The following CARS2 variants were observed in gnomAD, a reference collection of about 807,000 sequenced individuals.
CARS2 encodes probable cysteine--tRNA ligase, mitochondrial.
Under a neutral mutation model 68.8 loss-of-function variants are expected in CARS2, and 52 were observed. The observed-to-expected ratio is 0.76, with a 90% confidence interval of 0.61 to 0.95. CARS2 has a LOEUF of 0.95. CARS2 is among the 40% of genes least tolerant of loss of function. CARS2 has a pLI of 0.00. For synonymous variants in CARS2, 314 were observed against 303.6 expected (o/e 1.03, Z -0.36); for missense variants, 780 against 754.2 (o/e 1.03, Z -0.40).
rs760818887 is a variant in CARS2, at chr13:110,642,349, C to T, written c.1589G>A (p.Arg530His). Residue 530 changes from arginine (R) to histidine (H), a missense_variant, in exon 14 of 15, where the codon CGC becomes CAC. By Grantham distance (29) the Arg-to-His change is conservative. Transcript: ENST00000257347. ...QPLLEACDTL[R>H]RGLTAHGINI... Reference sequence around the variant, plus strand: ...GATGCCGTGGGCAGTCAGGCCCCGGCGCAGGGTGTCGCATGCTTCCAGCAG... The same window carrying T: ...GATGCCGTGGGCAGTCAGGCCCCGGTGCAGGGTGTCGCATGCTTCCAGCAG... 64 of 1,552,002 alleles carry T rather than the reference C, an allele frequency of 4.1e-5. No individual in the cohort carries two copies. In the East Asian group the frequency reaches 4.4e-4, roughly 11 times the overall value.
At chr13:110,690,857 G>A (rs1379939642) in intron 3 of CARS2, among the ~76,000 whole-genome samples, 2 of 152,234 alleles carry the variant, frequency 1.3e-5, no homozygotes, top group Non-Finnish European at 2.9e-5. Flanking sequence ...CAGTGTGACA[G>A]CTGACAAGTG....
intron 3 of CARS2, among the ~76,000 whole-genome samples, chr13:110,696,794 A>T (rs925342615): frequency 6.6e-6 from 1 of 152,186 alleles, no homozygotes; most frequent in African/African-American, 2.4e-5. Context: ...GCATCTGTGA[A>T]ATTAACTCTT....
chr13:110,712,868 G>A, intron 1 of CARS2: 1 of 1,308,076 alleles, frequency 7.6e-7, no homozygotes, highest in East Asian at 2.5e-5. Context: ...TTGTCTCCAA[G>A]CCGTTCCAAA....
Position 110,645,956 on chromosome 13 carries a change from C to T in CARS2, c.1317+11G>A, listed in dbSNP as rs757028283. The T allele has an allele frequency of 2.9e-5, 46 of 1,610,104 alleles. No homozygotes were observed. The highest frequency in any genetic ancestry group is 5.4e-5 in the African/African-American group (4 of 74,666). ...CAGCAGGACCGCAAGGCCACCTGTT[C>T]GTTGAGCTACCTTCAGGGACGCCCT... On this transcript the variant is annotated intron_variant, in intron 12 of 14. Coordinates refer to ENST00000257347, the MANE Select transcript of CARS2 (RefSeq NM_024537.4).
chr13:110,693,727 C>G (rs567561285), intron 3 of CARS2, among the ~76,000 whole-genome samples: 96 of 152,162 alleles, frequency 6.3e-4, no homozygotes, highest in Non-Finnish European at 9.3e-4. Context: ...ATTCCTCATA[C>G]CGGGGTAGTG....
At chr13:110,686,006 A>AAG (rs1555354812) in intron 5 of CARS2, among the ~76,000 whole-genome samples, 12 of 149,444 alleles carry the variant, frequency 8.0e-5, no homozygotes, top group African/African-American at 3.0e-4. Context: ...AAAAAAAAAA[A>AAG]AGAGAAAAAA....
intron 3 of CARS2, among the ~76,000 whole-genome samples, chr13:110,690,197 T>TAGACTGGGCGAC (rs2063417739): frequency 6.6e-6 from 1 of 152,074 alleles, no homozygotes; most frequent in Non-Finnish European, 1.5e-5. Flanking sequence ...TACTGCACTC[T>TAGACTGGGCGAC]AGACTGGGCG....
chr13:110,662,602 C>T (rs374638682), intron 9 of CARS2, among the ~76,000 whole-genome samples: 4 of 152,172 alleles, frequency 2.6e-5, no homozygotes, highest in Admixed American at 1.3e-4. Flanking sequence ...GCTGGGTAGG[C>T]GAAAAAGATC....
intron 10 of CARS2, chr13:110,649,381 G>A (rs1409027595): frequency 6.6e-6 from 1 of 152,170 alleles, no homozygotes. Context: ...GTGGTCAAAG[G>A]TGCAGGTGTC....
Position 110,641,500 on chromosome 13 carries a change from G to A in CARS2, c.*37C>T, listed in dbSNP as rs330570. ...CCTTGACCCTGAGAAGCATGGGTGC[G>A]TCTTGTCGTGAGCAGGTTCATGGCT... On this transcript the variant is annotated 3_prime_UTR_variant, in exon 15 of 15. Transcript: ENST00000257347. The A allele has an allele frequency of 0.15, 224,330 of 1,524,314 alleles. 21,993 individuals are homozygous for A. Among genetic ancestry groups the A allele is most frequent in the African/African-American group, 0.47 (34,683 of 73,214 alleles). 94.4% of individuals were successfully genotyped at this position (1,524,314 alleles called of 1,614,324 possible).
chr13:110,664,107 C>T, intron 8 of CARS2: 1 of 985,332 alleles, frequency 1.0e-6, no homozygotes, highest in Non-Finnish European at 1.2e-6. Flanking sequence ...GAATCTGACC[C>T]TGAAATTCTC....
chr13:110,663,720 A>C (rs2062572357), intron 8 of CARS2: 1 of 1,345,860 alleles, frequency 7.4e-7, no homozygotes, highest in Non-Finnish European at 9.5e-7. Flanking sequence ...TCCACGGTGC[A>C]GGGACACCCA....
intron 3 of CARS2, among the ~76,000 whole-genome samples, chr13:110,698,595 C>T (rs1218748217): frequency 6.6e-6 from 1 of 152,024 alleles, no homozygotes; most frequent in African/African-American, 2.4e-5. Flanking sequence ...TTTGTCCCCT[C>T]CAAAACTCAT....
intron 2 of CARS2, among the ~76,000 whole-genome samples, chr13:110,703,387 T>G (rs529312224): frequency 9.9e-5 from 15 of 152,256 alleles, no homozygotes; most frequent in Admixed American, 8.5e-4. Flanking sequence ...AGCAAAGGCC[T>G]GGAGGGGTTG....
intron 10 of CARS2, among the ~76,000 whole-genome samples, chr13:110,649,887 C>T (rs775712472): frequency 3.0e-4 from 46 of 151,388 alleles, no homozygotes; most frequent in Non-Finnish European, 5.7e-4. Flanking sequence ...GTATCACTGT[C>T]CCCAGCCCTC....
chr13:110,709,822 C>T (rs1375781959), upstream of CARS2, among the ~76,000 whole-genome samples: 2 of 152,018 alleles, frequency 1.3e-5, no homozygotes, highest in South Asian at 4.1e-4. Flanking sequence ...AAAGAGGATC[C>T]ATTTAATTGA....
chr13:110,644,572 A>G (rs1887837481), intron 12 of CARS2, 89 bp from the exon 13 acceptor site: 1 of 1,570,600 alleles, frequency 6.4e-7, no homozygotes, highest in Non-Finnish European at 8.6e-7. Flanking sequence ...CAAAGGCTTC[A>G]GCAGGTCACT....
In CARS2 at chr13:110,670,668, G is replaced by A. The variant is rs1026249608; in HGVS notation, c.786-3195C>T. Among the ~76,000 whole-genome samples the A allele has an allele frequency of 7.2e-5, 11 of 152,186 alleles. No individual in the cohort carries two copies. Among genetic ancestry groups the A allele is most frequent in the Non-Finnish European group, 1.0e-4 (7 of 68,030 alleles). ...AGCGCCTCTTCTCCTCCAAAGAAAC[G>A]CAGCTCCTCACCAGCAATGGAACAA... On this transcript the variant is annotated intron_variant, in intron 7 of 14. Coordinates refer to ENST00000257347, the MANE Select transcript of CARS2 (RefSeq NM_024537.4). The surrounding 1 kb of genome is among the most constrained non-coding windows in gnomAD (Gnocchi z 4.1).
intron 8 of CARS2, 159 bp from the exon 9 acceptor site, chr13:110,663,677 T>G: frequency 7.1e-7 from 1 of 1,404,842 alleles, no homozygotes; most frequent in East Asian, 2.7e-5. Context: ...TCACCCGTGC[T>G]GGGCCTTCCG....
Sources: gnomAD v4.1 joint callset for allele counts (sites outside exome capture counted in the v4.1 genomes callset) on GRCh38, gnomAD v4.1.1 for gene constraint, Gnocchi (gnomAD v3.1) non-coding constraint, MANE v1.5 for transcripts, NCBI Gene and HGNC (gene_info 2026-07-23, HGNC 2026-07-21) for gene names.